PREX2: variants seen among roughly 807,000 people sequenced by gnomAD.
The protein encoded by PREX2 is phosphatidylinositol 3,4,5-trisphosphate-dependent Rac exchanger 2 protein.
A neutral mutation model predicts 203.2 loss-of-function variants in PREX2; 107 were observed. The observed-to-expected ratio is 0.53, with a 90% CI of 0.45 to 0.62. PREX2 has a LOEUF of 0.62. PREX2 is among the 20% of genes least tolerant of loss of function. The pLI is 0.00. For missense variants in PREX2, 1,777 were observed against 1,955.9 expected (o/e 0.91, Z 1.72); for synonymous variants, 672 against 663.6 (o/e 1.01, Z -0.19).
Position 68,115,021 on chromosome 8 carries a change from CTTTTTTTTTT to C in PREX2, c.3147-718_3147-709del, listed in dbSNP as rs5892137. 2.2e-4 allele frequency among the ~76,000 whole-genome samples: 19 copies of C among 86,850 alleles called. No individual in the cohort carries two copies. The East Asian group carries it at 5.6e-3, about 25-fold the overall frequency. The allele number at this position is 86,850 out of a possible 152,430, so 57.0% of individuals were successfully genotyped here. A position where few individuals can be genotyped will look rare whatever the true frequency, so the allele number is the denominator to read the frequency against. ...TTCTTTTCTTTCTTTTCTTTTCTTT[CTTTTTTTTTT>C]TTTTTTTTTTTTTGAGTTGGAGTTT... On this transcript the variant is annotated intron_variant, in intron 25 of 39. Coordinates refer to ENST00000288368, the MANE Select transcript of PREX2 (RefSeq NM_024870.4).
At chr8:68,068,816 A>G (rs1421035566) in intron 11 of PREX2, among the ~76,000 whole-genome samples, 1 of 147,136 alleles carries the variant, frequency 6.8e-6, no homozygotes, top group Non-Finnish European at 1.5e-5. Context: ...TTATTTCTCA[A>G]ATCGTTATAT....
intron 37 of PREX2, among the ~76,000 whole-genome samples, chr8:68,211,515 G>A (rs376720151): frequency 2.6e-5 from 4 of 152,258 alleles, no homozygotes; most frequent in African/African-American, 9.6e-5. Context: ...ACCATGGCCA[G>A]GTATCACACT....
At chr8:68,105,454 A>G (rs1471573734) in intron 23 of PREX2, 1 of 1,186,382 alleles carries the variant, frequency 8.4e-7, no homozygotes, top group South Asian at 1.6e-5. Context: ...ATTCACAGGC[A>G]TTTGTATTGA....
intron 35 of PREX2, among the ~76,000 whole-genome samples, chr8:68,171,777 C>G (rs1295327942): frequency 6.6e-6 from 1 of 152,006 alleles, no homozygotes; most frequent in East Asian, 1.9e-4. Context: ...TACCTGAAAC[C>G]ACAAGAGTAT....
intron 1 of PREX2, among the ~76,000 whole-genome samples, chr8:67,993,417 T>G (rs1190208310): frequency 7.9e-5 from 12 of 151,360 alleles, no homozygotes; most frequent in African/African-American, 2.4e-4. Flanking sequence ...TTTTTCTTTT[T>G]TTTTTTTGAG....
At chr8:68,138,581 G>T (rs1811159198) in intron 33 of PREX2, 64 bp downstream of exon 33, 3 of 718,210 alleles carry the variant, frequency 4.2e-6, no homozygotes, top group Non-Finnish European at 4.6e-6. Context: ...TATAACTTTG[G>T]TATTAATATA....
chr8:67,994,200 A>G (rs1403467988), intron 1 of PREX2, among the ~76,000 whole-genome samples: 2 of 152,314 alleles, frequency 1.3e-5, no homozygotes, highest in Middle Eastern at 3.4e-3. Context: ...GTCCAAGGTC[A>G]TAGGCTAAAC....
chr8:68,172,614 A>T (rs1255094237), intron 35 of PREX2, among the ~76,000 whole-genome samples: 1 of 152,234 alleles, frequency 6.6e-6, no homozygotes, highest in Non-Finnish European at 1.5e-5. Flanking sequence ...TGAAGGTTTC[A>T]GGAATGAATT....
At position 68,231,478 on chromosome 8, in the gene PREX2, T is replaced by A; in HGVS notation, c.*100T>A. 1 of 68,566 alleles carries A rather than the reference T, an allele frequency of 1.5e-5. No homozygotes were observed. The highest frequency in any genetic ancestry group is 2.2e-5 in the Non-Finnish European group (1 of 46,478). The allele number at this position is 68,566 out of a possible 1,614,324, so 4.2% of individuals were successfully genotyped here. ...TTCTCCACTGAAGATACATCAATGC[T>A]TTTTTTTTTTTTTTTTTCTGTAAAT... is the stretch of plus-strand genomic sequence containing the variant. On this transcript the variant is annotated 3_prime_UTR_variant, in exon 40 of 40. Transcript: ENST00000288368.
chr8:68,113,025 G>A (rs1014150037), intron 25 of PREX2, among the ~76,000 whole-genome samples: 23 of 152,150 alleles, frequency 1.5e-4, no homozygotes, highest in African/African-American at 5.3e-4. Flanking sequence ...GCATGCTGCT[G>A]AAGGTTTTAA....
At chr8:68,129,886 CAAAA>C (rs3056769) in intron 31 of PREX2, among the ~76,000 whole-genome samples, 17 of 147,766 alleles carry the variant, frequency 1.2e-4, no homozygotes, top group Non-Finnish European at 1.8e-4. Context: ...CAATAGTAAG[CAAAA>C]AAAAAAAAAC....
intron 31 of PREX2, among the ~76,000 whole-genome samples, chr8:68,129,886 CAAAAA>C: frequency 1.4e-5 from 2 of 147,768 alleles, no homozygotes; most frequent in Non-Finnish European, 3.0e-5. Flanking sequence ...CAATAGTAAG[CAAAAA>C]AAAAAAAACC....
intron 39 of PREX2, among the ~76,000 whole-genome samples, chr8:68,225,614 T>A (rs1323656170): frequency 6.6e-6 from 1 of 152,162 alleles, no homozygotes; most frequent in Non-Finnish European, 1.5e-5. Flanking sequence ...TGAAAAACCA[T>A]GTGGGTAGTG....
intron 26 of PREX2, among the ~76,000 whole-genome samples, chr8:68,117,691 A>G (rs867167029): frequency 1.3e-5 from 2 of 152,164 alleles, no homozygotes; most frequent in Non-Finnish European, 2.9e-5. Flanking sequence ...CTCCTGCACT[A>G]TTTCTGAAAT....
intron 1 of PREX2, among the ~76,000 whole-genome samples, chr8:67,972,506 C>G (rs1805952975): frequency 6.6e-6 from 1 of 152,206 alleles, no homozygotes; most frequent in South Asian, 2.1e-4. Flanking sequence ...ACCTGCCTTT[C>G]AGACCCTTTT....
chr8:68,062,523 C>T (rs891018292), intron 11 of PREX2, among the ~76,000 whole-genome samples: 1 of 152,238 alleles, frequency 6.6e-6, no homozygotes, highest in Non-Finnish European at 1.5e-5. Flanking sequence ...CCATCTGTCT[C>T]TTTCTTCAAC....
chr8:67,964,025 C>T (rs1805703472), intron 1 of PREX2, among the ~76,000 whole-genome samples: 1 of 152,068 alleles, frequency 6.6e-6, no homozygotes, highest in Admixed American at 6.6e-5. Flanking sequence ...GAGAGCCAGG[C>T]CTCAGTATTT....
At chr8:68,090,770 AG>A in intron 20 of PREX2, 55 bp downstream of exon 20, 1 of 1,494,634 alleles carries the variant, frequency 6.7e-7, no homozygotes, top group Non-Finnish European at 9.1e-7. Context: ...TAAAGACCTA[AG>A]GGGTTGAGGT....
chr8:68,014,519 A>G (rs1327853908), intron 1 of PREX2, among the ~76,000 whole-genome samples: 1 of 152,070 alleles, frequency 6.6e-6, no homozygotes, highest in African/African-American at 2.4e-5. Context: ...TCACCTGTGT[A>G]GTGTCTGCAT....
Sources: allele counts gnomAD v4.1 joint callset (sites outside exome capture counted in the v4.1 genomes callset), GRCh38; gene constraint gnomAD v4.1.1; transcripts MANE v1.5; gene names NCBI Gene and HGNC (gene_info 2026-07-23, HGNC 2026-07-21).